SLC24A2: variants seen among roughly 807,000 people sequenced by gnomAD.
The protein encoded by SLC24A2 is solute carrier family 24 member 2.
In SLC24A2, 36 loss-of-function variants were observed where a neutral mutation model predicts 62.0. That is an observed-to-expected ratio of 0.58 (90% CI 0.44 to 0.77). SLC24A2 has a LOEUF of 0.77. SLC24A2 is among the 30% of genes least tolerant of loss of function. The probability of loss-of-function intolerance (pLI) is 0.00; values close to 1 mark genes in which losing one functional copy is unlikely to be tolerated. For missense variants in SLC24A2, 846 were observed against 817.9 expected (o/e 1.03, Z -0.42); for synonymous variants, 358 against 294.0 (o/e 1.22, Z -2.23).
At chr9:20,038,431 A>G in the SLC24A2 span, among the ~76,000 whole-genome samples, 6 of 152,184 alleles carry the variant, frequency 3.9e-5, no homozygotes, top group Admixed American at 2.6e-4. Context: ...CTGGAATTAT[A>G]TATCCAGTGT....
chr9:19,895,783 G>A, the SLC24A2 span: 2 of 1,579,824 alleles, frequency 1.3e-6, no homozygotes, highest in Admixed American at 1.8e-5. Flanking sequence ...TCCTCATGCG[G>A]TGGCCTGTGC....
chr9:19,797,803 C>G, the SLC24A2 span, among the ~76,000 whole-genome samples: 3 of 152,320 alleles, frequency 2.0e-5, no homozygotes, highest in South Asian at 4.1e-4. Context: ...TCAACCTCCC[C>G]CTTTTTGCCA....
rs1820793426 is a variant in SLC24A2, at chr9:19,714,183, ACT to A, written c.930+71752_930+71753del. Among the ~76,000 whole-genome samples the A allele has an allele frequency of 2.0e-5, 3 of 152,148 alleles. No homozygotes were observed. In the South Asian group the frequency reaches 6.2e-4, roughly 32 times the overall value. ...CCTTTTTAATAATAGAAAATCTGGA[ACT>A]CTGCGTGTGTGTGTGACCTATGGCC... is the stretch of plus-strand genomic sequence containing the variant. On this transcript the variant is annotated intron_variant, in intron 2 of 10. Transcript: ENST00000341998.
chr9:19,941,825 A>G, the SLC24A2 span, among the ~76,000 whole-genome samples: 1 of 152,274 alleles, frequency 6.6e-6, no homozygotes, highest in South Asian at 2.1e-4. Context: ...CATTAAATGC[A>G]TGATAAACAC....
the SLC24A2 span, among the ~76,000 whole-genome samples, chr9:20,228,432 G>A: frequency 1.3e-5 from 2 of 152,100 alleles, no homozygotes; most frequent in East Asian, 1.9e-4. Context: ...TGATGATGGA[G>A]CATGAATTCC....
In SLC24A2 at chr9:19,696,259, C is replaced by G. The variant is rs191080982; in HGVS notation, c.931-73960G>C. ...GCCCCAACCTCGGTCTGTGGAAAAA[C>G]TGTCTTCCACGAAACTGGTCCCTGG... On this transcript the variant is annotated intron_variant, in intron 2 of 10. Coordinates refer to ENST00000341998, the MANE Select transcript of SLC24A2 (RefSeq NM_020344.4). Among the ~76,000 whole-genome samples, 293 of 152,320 alleles carry G rather than the reference C, an allele frequency of 1.9e-3. 1 individual carries two copies. Among genetic ancestry groups the G allele is most frequent in the Non-Finnish European group, 3.1e-3 (209 of 68,018 alleles).
the SLC24A2 span, among the ~76,000 whole-genome samples, chr9:20,288,408 A>C: frequency 6.6e-6 from 1 of 151,424 alleles, no homozygotes; most frequent in African/African-American, 2.4e-5. Flanking sequence ...GGATGAGTGC[A>C]TGCCGGGGGT....
the SLC24A2 span, among the ~76,000 whole-genome samples, chr9:20,208,679 A>G: frequency 6.6e-6 from 1 of 152,190 alleles, no homozygotes; most frequent in Non-Finnish European, 1.5e-5. Flanking sequence ...TAAAGGAAAA[A>G]ATAGCCCAGC....
At chr9:19,576,649 T>A (rs558048800) in intron 6 of SLC24A2, among the ~76,000 whole-genome samples, 24 of 152,344 alleles carry the variant, frequency 1.6e-4, no homozygotes, top group Non-Finnish European at 4.4e-5. Flanking sequence ...TATTCTTGAA[T>A]GGAGATGACT....
At chr9:19,635,446 C>G (rs1818288436) in intron 2 of SLC24A2, among the ~76,000 whole-genome samples, 1 of 152,102 alleles carries the variant, frequency 6.6e-6, no homozygotes, top group South Asian at 2.1e-4. Flanking sequence ...TGTTAATAAT[C>G]ATACAATATT....
the SLC24A2 span, among the ~76,000 whole-genome samples, chr9:20,153,017 C>A: frequency 8.6e-5 from 13 of 151,692 alleles, no homozygotes; most frequent in Non-Finnish European, 1.3e-4. Flanking sequence ...GGCTAGAGAC[C>A]GACAAACAGA....
the SLC24A2 span, among the ~76,000 whole-genome samples, chr9:20,289,727 T>C: frequency 6.6e-6 from 1 of 152,130 alleles, no homozygotes; most frequent in Non-Finnish European, 1.5e-5. Flanking sequence ...AACAAATGAA[T>C]TGAACTCCCA....
chr9:20,097,858 T>C, the SLC24A2 span, among the ~76,000 whole-genome samples: 2 of 144,720 alleles, frequency 1.4e-5, no homozygotes, highest in African/African-American at 2.5e-5. Context: ...TTCTCCTGCC[T>C]CAGACTCCCG....
intron 7 of SLC24A2, among the ~76,000 whole-genome samples, chr9:19,554,556 TG>T (rs1398564757): frequency 5.9e-5 from 9 of 152,330 alleles, no homozygotes; most frequent in African/African-American, 2.2e-4. Flanking sequence ...ATGGAAAGCT[TG>T]CTTTTACCTA....
At chr9:19,813,910 C>T in the SLC24A2 span, among the ~76,000 whole-genome samples, 6 of 152,112 alleles carry the variant, frequency 3.9e-5, no homozygotes, top group Non-Finnish European at 5.9e-5. Context: ...GCACCTTGAT[C>T]TTGGACTTCC....
At chr9:20,141,575 C>G in the SLC24A2 span, among the ~76,000 whole-genome samples, 3 of 151,836 alleles carry the variant, frequency 2.0e-5, no homozygotes, top group African/African-American at 7.2e-5. Flanking sequence ...GGCTGATATT[C>G]TGATCATTCT....
chr9:19,657,177 T>C (rs992703746), intron 2 of SLC24A2, among the ~76,000 whole-genome samples: 2 of 152,204 alleles, frequency 1.3e-5, no homozygotes, highest in African/African-American at 4.8e-5. Flanking sequence ...TGCCCGGCTA[T>C]GACCTGGAGA....
intron 7 of SLC24A2, among the ~76,000 whole-genome samples, chr9:19,564,214 T>C (rs1183100998): frequency 1.4e-5 from 2 of 147,310 alleles, no homozygotes; most frequent in Non-Finnish European, 3.0e-5. Flanking sequence ...AGGAAGATAT[T>C]TTTGAGCATT....
the SLC24A2 span, among the ~76,000 whole-genome samples, chr9:19,961,153 G>A: frequency 6.6e-6 from 1 of 150,900 alleles, no homozygotes; most frequent in African/African-American, 2.4e-5. Context: ...GAGAGAGAGA[G>A]AGAGAGAGAG....
Sources: gnomAD v4.1 joint callset for allele counts (sites outside exome capture counted in the v4.1 genomes callset) on GRCh38, gnomAD v4.1.1 for gene constraint, MANE v1.5 for transcripts, NCBI Gene and HGNC (gene_info 2026-07-23, HGNC 2026-07-21) for gene names.